The following OLFM3 variants were observed in gnomAD, a reference collection of about 807,000 sequenced individuals.
OLFM3 encodes the protein olfactomedin 3.
Under a neutral mutation model 48.6 loss-of-function variants are expected in OLFM3, and 20 were observed. That is an observed-to-expected ratio of 0.41 (90% CI 0.29 to 0.60). The LOEUF (loss-of-function observed/expected upper bound fraction) is 0.60, where lower values mean the gene tolerates loss of function less well. Among genes scored for constraint, OLFM3 ranks in the 20% least tolerant of loss-of-function variants. The pLI, the probability that OLFM3 is intolerant of heterozygous loss-of-function variation, is 0.28. For synonymous variants in OLFM3, 222 were observed against 198.1 expected, an observed-to-expected ratio of 1.12 and a Z score of -1.01; for missense variants, 437 against 544.3, an observed-to-expected ratio of 0.80 and a Z score of 1.96.
intron 1 of OLFM3, among the ~76,000 whole-genome samples, chr1:101,861,154 C>T (rs1052256321): frequency 5.3e-5 from 8 of 151,978 alleles, no homozygotes; most frequent in East Asian, 1.9e-4. Flanking sequence ...CTCTGCTTCC[C>T]GGGTTCAAGC....
chr1:101,897,515 G>C (rs908274572), intron 1 of OLFM3, among the ~76,000 whole-genome samples: 4 of 152,074 alleles, frequency 2.6e-5, no homozygotes, highest in African/African-American at 9.7e-5. Context: ...GAAGTTACTA[G>C]TATAGCCCTC....
chr1:101,835,594 C>T (rs1655363429), intron 2 of OLFM3, among the ~76,000 whole-genome samples: 2 of 152,182 alleles, frequency 1.3e-5, no homozygotes, highest in East Asian at 1.9e-4. Flanking sequence ...GGATTACAGG[C>T]GTGAGCCAGC....
chr1:101,951,551 C>T (rs939467221), intron 1 of OLFM3, among the ~76,000 whole-genome samples: 5 of 152,094 alleles, frequency 3.3e-5, no homozygotes, highest in African/African-American at 1.2e-4. Flanking sequence ...GTAAGTGCCT[C>T]AGAATTCTGA....
intron 2 of OLFM3, among the ~76,000 whole-genome samples, chr1:101,836,392 G>A (rs139972499): frequency 6.6e-6 from 1 of 152,326 alleles, no homozygotes; most frequent in Non-Finnish European, 1.5e-5. Context: ...GAATGAAATT[G>A]AAGAGCTTAA....
In OLFM3 at chr1:101,844,331, T is replaced by C. The variant is rs533403907; in HGVS notation, c.70-7306A>G. 5.3e-5 allele frequency among the ~76,000 whole-genome samples: 8 copies of C among 151,926 alleles called. No homozygotes were observed. In the South Asian group the frequency reaches 1.5e-3, roughly 28 times the overall value. On this transcript the variant is annotated intron_variant, in intron 1 of 5. Transcript: ENST00000370103. ...GAAAACATACTTTAAAGGATGAAGG[T>C]GTTGGTGTGTAGGAGGGAAAGAAGA...
intron 1 of OLFM3, among the ~76,000 whole-genome samples, chr1:101,876,310 A>C (rs900933047): frequency 2.6e-5 from 4 of 151,970 alleles, no homozygotes; most frequent in African/African-American, 4.8e-5. Context: ...AGTGGTGTTA[A>C]GTGTTGGCTG....
At chr1:101,969,431 G>A (rs963594187) in intron 1 of OLFM3, among the ~76,000 whole-genome samples, 4 of 151,870 alleles carry the variant, frequency 2.6e-5, no homozygotes, top group African/African-American at 4.8e-5. Flanking sequence ...CCTCCCAAGA[G>A]TGCTGGAATT....
chr1:101,902,768 T>C (rs1658430085), intron 1 of OLFM3, among the ~76,000 whole-genome samples: 1 of 152,114 alleles, frequency 6.6e-6, no homozygotes, highest in Non-Finnish European at 1.5e-5. Flanking sequence ...TACTATCTCA[T>C]TTAATCTTTC....
intron 1 of OLFM3, among the ~76,000 whole-genome samples, chr1:101,916,221 C>A (rs1224919442): frequency 6.6e-6 from 1 of 152,064 alleles, no homozygotes; most frequent in East Asian, 1.9e-4. Context: ...TTTAAAAGTT[C>A]AAACTTTCAA....
intron 1 of OLFM3, among the ~76,000 whole-genome samples, chr1:101,995,069 A>G (rs1278105361): frequency 6.6e-6 from 1 of 152,148 alleles, no homozygotes; most frequent in Non-Finnish European, 1.5e-5. Flanking sequence ...CAGTGAAGAT[A>G]TTTATGCATC....
At chr1:101,834,126 C>T (rs4908191) in intron 2 of OLFM3, among the ~76,000 whole-genome samples, 137,344 of 152,190 alleles carry the variant, frequency 0.9, 63,313 homozygotes, top group Non-Finnish European at 1. Context: ...TGTTAAATGG[C>T]AAACAGAGCA....
At chr1:101,907,878 AT>A (rs34006712) in intron 1 of OLFM3, among the ~76,000 whole-genome samples, 16,309 of 152,130 alleles carry the variant, frequency 0.11, 1,476 homozygotes, top group East Asian at 0.36. Context: ...AAAACGTATA[AT>A]TTTTTCCAGT....
intron 3 of OLFM3, among the ~76,000 whole-genome samples, chr1:101,829,567 G>C (rs1655044306): frequency 6.6e-6 from 1 of 152,208 alleles, no homozygotes; most frequent in Admixed American, 6.5e-5. Context: ...ATTCAAATGT[G>C]TTATGCAGAG....
intron 1 of OLFM3, among the ~76,000 whole-genome samples, chr1:101,884,532 G>A (rs2100995445): frequency 6.6e-6 from 1 of 151,920 alleles, no homozygotes; most frequent in Non-Finnish European, 1.5e-5. Context: ...AATGCCACAA[G>A]GGACATTTAT....
chr1:101,854,944 C>T (rs1297564583), intron 1 of OLFM3, among the ~76,000 whole-genome samples: 2 of 152,048 alleles, frequency 1.3e-5, no homozygotes, highest in South Asian at 4.1e-4. Flanking sequence ...ATGATCAGTG[C>T]TCAATCAATG....
At chr1:101,896,933 T>A (rs183054886) in intron 1 of OLFM3, among the ~76,000 whole-genome samples, 34 of 152,272 alleles carry the variant, frequency 2.2e-4, no homozygotes, top group African/African-American at 7.2e-4. Context: ...GGAGAAAAGA[T>A]GCTCACAAAA....
intron 1 of OLFM3, among the ~76,000 whole-genome samples, chr1:101,883,809 A>C (rs1310387269): frequency 1.3e-5 from 2 of 152,020 alleles, no homozygotes; most frequent in Non-Finnish European, 2.9e-5. Context: ...ACATGTGTAA[A>C]AGACAAACAG....
intron 1 of OLFM3, among the ~76,000 whole-genome samples, chr1:101,863,307 A>T (rs1361883959): frequency 1.3e-5 from 2 of 152,224 alleles, no homozygotes; most frequent in African/African-American, 4.8e-5. Context: ...ATTTCCAATC[A>T]TGAATAAGTC....
intron 1 of OLFM3, among the ~76,000 whole-genome samples, chr1:101,987,160 G>A (rs1661265630): frequency 6.6e-6 from 1 of 152,160 alleles, no homozygotes; most frequent in African/African-American, 2.4e-5. Context: ...ATCAATGAGG[G>A]TTGCAATGAA....
Sources: gnomAD v4.1 joint callset for allele counts (sites outside exome capture counted in the v4.1 genomes callset) on GRCh38, gnomAD v4.1.1 for gene constraint, MANE v1.5 for transcripts, NCBI Gene and HGNC (gene_info 2026-07-23, HGNC 2026-07-21) for gene names.